RAB10: variants seen among roughly 807,000 people sequenced by gnomAD.
The protein encoded by RAB10 is ras-related protein Rab-10.
Under a neutral mutation model 25.7 loss-of-function variants are expected in RAB10, and 5 were observed. The ratio of observed to expected loss-of-function variants is 0.19; its 90% confidence interval spans 0.10 to 0.41. The LOEUF (loss-of-function observed/expected upper bound fraction) is 0.41. Among genes scored for constraint, RAB10 ranks in the 10% least tolerant of loss-of-function variants. The pLI, the probability that RAB10 is intolerant of heterozygous loss-of-function variation, is 1.00. For synonymous variants in RAB10, 89 were observed against 86.4 expected (o/e 1.03, Z -0.16); for missense variants, 103 against 245.8 (o/e 0.42, Z 3.89).
intron 2 of RAB10, among the ~76,000 whole-genome samples, chr2:26,103,908 A>G (rs954461938): frequency 1.3e-5 from 2 of 151,916 alleles, no homozygotes; most frequent in African/African-American, 2.4e-5. Flanking sequence ...TACATGAATC[A>G]GTACTTCATT....
At chr2:26,048,948 C>G (rs1272069577) in intron 1 of RAB10, among the ~76,000 whole-genome samples, 3 of 152,120 alleles carry the variant, frequency 2.0e-5, no homozygotes, top group Non-Finnish European at 2.9e-5. Context: ...TCTTTTCATC[C>G]TCTTCACATG....
At chr2:26,131,415 TAG>T (rs1344027087) in intron 5 of RAB10, among the ~76,000 whole-genome samples, 1 of 152,180 alleles carries the variant, frequency 6.6e-6, no homozygotes, top group African/African-American at 2.4e-5. Flanking sequence ...AAATACTAGG[TAG>T]CAATTTTTTT....
chr2:26,060,273 C>G (rs1666366528), intron 1 of RAB10, among the ~76,000 whole-genome samples: 1 of 151,848 alleles, frequency 6.6e-6, no homozygotes, highest in Non-Finnish European at 1.5e-5. Flanking sequence ...CACAGTAGTT[C>G]TTTTTTGTTT....
At chr2:26,081,792 C>T (rs1239885190) in intron 1 of RAB10, among the ~76,000 whole-genome samples, 1 of 152,076 alleles carries the variant, frequency 6.6e-6, no homozygotes, top group African/African-American at 2.4e-5. Context: ...ATGTAAGCCG[C>T]AAGACAATGG....
At chr2:26,038,648 C>T (rs371990418) in intron 1 of RAB10, among the ~76,000 whole-genome samples, 11 of 151,844 alleles carry the variant, frequency 7.2e-5, no homozygotes, top group Admixed American at 6.6e-4. Context: ...TTGGGCGGGG[C>T]GCGATGGCTC....
chr2:26,089,026 C>T (rs946999229), intron 1 of RAB10, among the ~76,000 whole-genome samples: 1 of 151,992 alleles, frequency 6.6e-6, no homozygotes, highest in East Asian at 1.9e-4. Flanking sequence ...AAAAGTTTAG[C>T]GCTATGAAAG....
At chr2:26,078,778 T>G (rs1326047125) in intron 1 of RAB10, among the ~76,000 whole-genome samples, 1 of 151,964 alleles carries the variant, frequency 6.6e-6, no homozygotes, top group Non-Finnish European at 1.5e-5. Flanking sequence ...AAGAACATAT[T>G]ATATAGAGGA....
intron 2 of RAB10, among the ~76,000 whole-genome samples, chr2:26,106,577 A>G (rs1230538912): frequency 1.3e-5 from 2 of 152,202 alleles, no homozygotes; most frequent in African/African-American, 2.4e-5. Context: ...CTCAAAATGT[A>G]CCATCGGTTT....
At chr2:26,036,973 G>A (rs1305543508) in intron 1 of RAB10, among the ~76,000 whole-genome samples, 1 of 151,914 alleles carries the variant, frequency 6.6e-6, no homozygotes, top group African/African-American at 2.4e-5. Flanking sequence ...TTTTAGTAGA[G>A]ATGGTTTCAC....
At position 26,041,076 on chromosome 2, in the gene RAB10, G is replaced by T. The variant is rs1354385505; in HGVS notation, c.127+6341G>T. Among the ~76,000 whole-genome samples the T allele has an allele frequency of 2.0e-5, 3 of 151,950 alleles. No individual in the cohort carries two copies. The East Asian group carries it at 5.8e-4, about 29-fold the overall frequency. On this transcript the variant is annotated intron_variant, in intron 1 of 5. Transcript: ENST00000264710. ...TCATGTGTGCTAAACACCTGGAAGG[G>T]TACCTGCATTTAATGGGTGCACCAT...
chr2:26,112,078 T>G (rs1036738833), intron 3 of RAB10, among the ~76,000 whole-genome samples: 1 of 152,214 alleles, frequency 6.6e-6, no homozygotes, highest in African/African-American at 2.4e-5. Flanking sequence ...GAGAGGCATA[T>G]GTGGGGAGTA....
chr2:26,122,226 T>G (rs1667818917), intron 3 of RAB10, among the ~76,000 whole-genome samples: 1 of 152,224 alleles, frequency 6.6e-6, no homozygotes, highest in South Asian at 2.1e-4. Context: ...TGTGAAGCCA[T>G]CACTGCAGCC....
chr2:26,073,009 T>G (rs4665815), intron 1 of RAB10, among the ~76,000 whole-genome samples: 149,334 of 152,330 alleles, frequency 0.98, 73,217 homozygotes, highest in African/African-American at 0.99. Context: ...TTGAGAAGCA[T>G]TGGTGTACTT....
In RAB10 at chr2:26,048,383, A is replaced by G. The variant is rs571184456; in HGVS notation, c.127+13648A>G. On this transcript the variant is annotated intron_variant, in intron 1 of 5. Coordinates refer to ENST00000264710, the MANE Select transcript of RAB10 (RefSeq NM_016131.5). ...CTCACCAGCATTTGATAATGTTATC[A>G]TACTATTTTGTACTGTAGTCATTCT... Among the ~76,000 whole-genome samples the G allele has an allele frequency of 2.5e-4, 38 of 152,318 alleles. No individual in the cohort carries two copies. In the South Asian group the frequency reaches 7.9e-3, roughly 32 times the overall value.
chr2:26,034,558 G>T lies in RAB10; in HGVS notation c.-51G>T. The T allele has an allele frequency of 6.2e-7, 1 of 1,610,834 alleles. No homozygotes were observed. Among genetic ancestry groups the T allele is most frequent in the Non-Finnish European group, 8.5e-7 (1 of 1,179,166 alleles). On this transcript the variant is annotated 5_prime_UTR_variant, in exon 1 of 6. Coordinates refer to ENST00000264710, the MANE Select transcript of RAB10 (RefSeq NM_016131.5). ...AGTGAGGAGTTGGCCGTAGTGAGAG[G>T]GACCGATCCCTTGGGGCCGCCGGCG... is the stretch of plus-strand genomic sequence containing the variant.
rs150846950 is a variant in RAB10 at position 26,116,159 on chromosome 2, G to A, written c.327+6253G>A. 2.2e-3 allele frequency among the ~76,000 whole-genome samples: 327 copies of A among 152,024 alleles called. 1 individual carries two copies. Among genetic ancestry groups the A allele is most frequent in the African/African-American group, 7.6e-3 (317 of 41,478 alleles). The stretch of plus-strand genomic sequence containing the variant: ...TGGGATTACAGGCATGAGCCACTGC[G>A]CCCCACCAGTTGTTAATATTTTTTA... On this transcript the variant is annotated intron_variant, in intron 3 of 5. Coordinates refer to ENST00000264710, the MANE Select transcript of RAB10 (RefSeq NM_016131.5).
intron 1 of RAB10, among the ~76,000 whole-genome samples, chr2:26,096,753 T>C (rs1667226646): frequency 6.6e-6 from 1 of 152,232 alleles, no homozygotes; most frequent in Admixed American, 6.5e-5. Flanking sequence ...AATTTCTCTC[T>C]GAAATATTGC....
chr2:26,069,120 T>C (rs543720204), intron 1 of RAB10, among the ~76,000 whole-genome samples: 5 of 152,284 alleles, frequency 3.3e-5, no homozygotes, highest in African/African-American at 1.2e-4. Context: ...TTGAGATGCT[T>C]TGAAATTTTA....
At chr2:26,067,397 C>CT (rs1259264260) in intron 1 of RAB10, among the ~76,000 whole-genome samples, 3 of 152,230 alleles carry the variant, frequency 2.0e-5, no homozygotes, top group African/African-American at 7.2e-5. Flanking sequence ...TCTGCATACT[C>CT]TATGAAAGGA....
Sources: allele counts gnomAD v4.1 joint callset (sites outside exome capture counted in the v4.1 genomes callset), GRCh38; gene constraint gnomAD v4.1.1; transcripts MANE v1.5; gene names NCBI Gene and HGNC (gene_info 2026-07-23, HGNC 2026-07-21).